PCDH15: variants seen among roughly 807,000 people sequenced by gnomAD.
The protein encoded by PCDH15 is protocadherin-15.
PCDH15 carries 129 observed loss-of-function variants against 178.5 expected under a neutral mutation model. That is an observed-to-expected ratio of 0.72 (90% confidence interval 0.63 to 0.84). PCDH15 has a LOEUF of 0.84. Among genes scored for constraint, PCDH15 ranks in the 40% least tolerant of loss-of-function variants. PCDH15 has a pLI of 0.00. For synonymous variants in PCDH15, 800 were observed against 732.0 expected (o/e 1.09, Z -1.50); for missense variants, 2,230 against 2,099.9 (o/e 1.06, Z -1.21).
At chr10:54,531,483 T>C (rs958006498) in intron 2 of PCDH15, among the ~76,000 whole-genome samples, 2 of 152,182 alleles carry the variant, frequency 1.3e-5, no homozygotes, top group Admixed American at 1.3e-4. Flanking sequence ...TGATACTCTG[T>C]TGTCATTGTA....
chr10:55,234,728 G>A (rs1337858948), intron 1 of PCDH15, among the ~76,000 whole-genome samples: 3 of 151,876 alleles, frequency 2.0e-5, no homozygotes, highest in Admixed American at 6.6e-5. Context: ...TGTATTTTGA[G>A]ACAATAAAAT....
intron 2 of PCDH15, among the ~76,000 whole-genome samples, chr10:54,633,169 AT>A (rs899569043): frequency 6.6e-6 from 1 of 152,032 alleles, no homozygotes; most frequent in African/African-American, 2.4e-5. Context: ...AAATGATTTT[AT>A]TTTTTTCAAC....
chr10:54,788,243 A>G (rs1476959535), intron 1 of PCDH15, among the ~76,000 whole-genome samples: 1 of 151,936 alleles, frequency 6.6e-6, no homozygotes. Flanking sequence ...ATGATATTAG[A>G]TGTTATTAGT....
chr10:55,198,426 G>T (rs2132155443), intron 1 of PCDH15, among the ~76,000 whole-genome samples: 1 of 152,156 alleles, frequency 6.6e-6, no homozygotes, highest in Non-Finnish European at 1.5e-5. Flanking sequence ...TAAAAGTGCT[G>T]TTTTAAAAGT....
At chr10:55,581,566 A>G (rs1471620263) in intron 2 of PCDH15, among the ~76,000 whole-genome samples, 4 of 152,040 alleles carry the variant, frequency 2.6e-5, no homozygotes, top group Admixed American at 2.6e-4. Flanking sequence ...AATATTTTCA[A>G]TAGTGGACTG....
chr10:54,194,156 A>G (rs7916480), intron 11 of PCDH15, among the ~76,000 whole-genome samples: 2 of 151,542 alleles, frequency 1.3e-5, no homozygotes, highest in Non-Finnish European at 2.9e-5. Context: ...GTGGAGTGCC[A>G]ACAAGAATTG....
intron 2 of PCDH15, among the ~76,000 whole-genome samples, chr10:55,324,808 A>G (rs570157020): frequency 5.3e-5 from 8 of 152,298 alleles, no homozygotes; most frequent in African/African-American, 1.7e-4. Context: ...ATACAATTCT[A>G]TAAATAGAAA....
chr10:55,489,923 A>G (rs753498284), intron 2 of PCDH15, among the ~76,000 whole-genome samples: 2 of 151,738 alleles, frequency 1.3e-5, no homozygotes, highest in Non-Finnish European at 2.9e-5. Context: ...GAAGTGTCCA[A>G]GTTTAAAAAT....
chr10:53,954,768 T>C (rs2087448136), intron 23 of PCDH15, among the ~76,000 whole-genome samples: 1 of 152,240 alleles, frequency 6.6e-6, no homozygotes, highest in Non-Finnish European at 1.5e-5. Flanking sequence ...GAAATGTTAA[T>C]CTGAGATTTG....
intron 2 of PCDH15, among the ~76,000 whole-genome samples, chr10:55,482,997 C>A (rs1335020309): frequency 1.3e-5 from 2 of 151,688 alleles, no homozygotes; most frequent in African/African-American, 4.8e-5. Flanking sequence ...AAATGGACCC[C>A]TTTCTTACAC....
intron 2 of PCDH15, among the ~76,000 whole-genome samples, chr10:54,906,354 T>G (rs537481762): frequency 6.6e-6 from 1 of 152,282 alleles, no homozygotes; most frequent in East Asian, 1.9e-4. Context: ...ATTTTCTTTC[T>G]ACTTTAATTT....
chr10:54,362,817 C>A (rs1356602192), intron 5 of PCDH15, among the ~76,000 whole-genome samples: 5 of 152,074 alleles, frequency 3.3e-5, no homozygotes, highest in Non-Finnish European at 7.4e-5. Context: ...CATAATTTCT[C>A]TCTAATGTTT....
intron 2 of PCDH15, among the ~76,000 whole-genome samples, chr10:55,468,012 G>C (rs1207399762): frequency 7.2e-6 from 1 of 138,438 alleles, no homozygotes; most frequent in East Asian, 2.0e-4. Context: ...TGGTCTGCCA[G>C]GACTTCCTTC....
Position 55,085,039 on chromosome 10 carries a change from T to C in PCDH15, c.-80+81537A>G, listed in dbSNP as rs193129016. 3.2e-3 allele frequency among the ~76,000 whole-genome samples: 480 copies of C among 151,898 alleles called. 3 individuals are homozygous for C. The highest frequency in any genetic ancestry group is 0.011 in the African/African-American group (470 of 41,486). On this transcript the variant is annotated intron_variant, in intron 2 of 5. Transcript: ENST00000458638. ...TGGAAGTTCCTCAGAAAAGTGAAAATAGATTTACCCTATGATCCAGATATC... is the reference window on the plus strand; with the variant it reads ...TGGAAGTTCCTCAGAAAAGTGAAAACAGATTTACCCTATGATCCAGATATC...
At chr10:53,982,021 A>T (rs2090691442) in intron 21 of PCDH15, among the ~76,000 whole-genome samples, 1 of 152,248 alleles carries the variant, frequency 6.6e-6, no homozygotes, top group African/African-American at 2.4e-5. Flanking sequence ...ATATGAACAG[A>T]CACTTTTCAA....
chr10:55,310,703 G>A (rs1046892248), intron 1 of PCDH15, among the ~76,000 whole-genome samples: 1 of 152,140 alleles, frequency 6.6e-6, no homozygotes, highest in Non-Finnish European at 1.5e-5. Flanking sequence ...AAAAAAGAAT[G>A]AGTTCATCAT....
In PCDH15 at chr10:54,603,455, C is replaced by T. The variant is rs183272934; in HGVS notation, c.91+60717G>A. Among the ~76,000 whole-genome samples the T allele has an allele frequency of 1.3e-3, 188 of 149,486 alleles. 1 individual carries two copies. In the South Asian group the frequency reaches 0.013, roughly 11 times the overall value. ...AGTATGTATTTTTTTCTGTCTTTGG[C>T]TAGTTATTTTTTTAGGTTGTTTATT... On this transcript the variant is annotated intron_variant, in intron 2 of 37. Transcript: ENST00000644397.
intron 2 of PCDH15, among the ~76,000 whole-genome samples, chr10:54,657,276 G>C (rs1430143567): frequency 6.6e-6 from 1 of 152,004 alleles, no homozygotes; most frequent in African/African-American, 2.4e-5. Flanking sequence ...GTCTGCCCAG[G>C]ATGAGGACCT....
chr10:54,638,378 C>A (rs11004423), intron 2 of PCDH15, among the ~76,000 whole-genome samples: 2,125 of 152,074 alleles, frequency 0.014, 27 homozygotes, highest in East Asian at 0.068. Flanking sequence ...ATTATTCTTT[C>A]AAAATTCAAG....
Sources: gnomAD v4.1 joint callset for allele counts (sites outside exome capture counted in the v4.1 genomes callset) on GRCh38, gnomAD v4.1.1 for gene constraint, MANE v1.5 for transcripts, NCBI Gene and HGNC (gene_info 2026-07-23, HGNC 2026-07-21) for gene names.